The following DCTN5 variants were observed in gnomAD, a reference collection of about 807,000 sequenced individuals.
The protein encoded by DCTN5 is dynactin 4.
DCTN5 carries 14 observed loss-of-function variants against 23.5 expected under a neutral mutation model. The observed-to-expected ratio is 0.60, with a 90% CI of 0.39 to 0.93. The LOEUF (loss-of-function observed/expected upper bound fraction) is 0.93. Ranked by LOEUF, DCTN5 falls within the 40% of genes least tolerant of loss-of-function variation. The pLI, the probability that DCTN5 is intolerant of heterozygous loss-of-function variation, is 0.00. For missense variants in DCTN5, 156 were observed against 225.9 expected (o/e 0.69, Z 1.98); for synonymous variants, 67 against 79.6 (o/e 0.84, Z 0.84).
intron 2 of DCTN5, among the ~76,000 whole-genome samples, chr16:23,643,364 T>C (rs1239900399): frequency 1.3e-5 from 2 of 151,854 alleles, no homozygotes; most frequent in African/African-American, 2.4e-5. Context: ...GCTAATATTT[T>C]GTATTTTTAG....
In DCTN5 at chr16:23,671,465, T is replaced by C. The variant is rs1968006266; in HGVS notation, c.*4321T>C. On this transcript the variant is annotated 3_prime_UTR_variant, in exon 6 of 6. Transcript: ENST00000300087. ...AAGAGATGGAGAAATCACCCTTCCT[T>C]GTTTTGTATCTATGGGGTGCAAACA... is the stretch of plus-strand genomic sequence containing the variant. 1 of 152,218 alleles carries C rather than the reference T, an allele frequency of 6.6e-6. No individual in the cohort carries two copies. Among genetic ancestry groups the C allele is most frequent in the African/African-American group, 2.4e-5 (1 of 41,456 alleles). The allele number at this position is 152,218 out of a possible 1,614,324, so 9.4% of individuals were successfully genotyped here. A position where few individuals can be genotyped will look rare whatever the true frequency, so the allele number is the denominator to read the frequency against.
chr16:23,672,468 A>G lies in DCTN5; in HGVS notation c.*5324A>G, dbSNP rs745885113. On this transcript the variant is annotated 3_prime_UTR_variant, in exon 6 of 6. Coordinates refer to ENST00000300087, the MANE Select transcript of DCTN5 (RefSeq NM_032486.4). Reference sequence around the variant, plus strand: ...GCTAGCATTTGAACCCGGAGTTTTTAGTCTATTGAGTTTAACCGACAGATC... The same window carrying G: ...GCTAGCATTTGAACCCGGAGTTTTTGGTCTATTGAGTTTAACCGACAGATC... 6.6e-6 allele frequency: 1 copy of G among 152,218 alleles called. No homozygotes were observed. The highest frequency in any genetic ancestry group is 1.5e-5 in the Non-Finnish European group (1 of 68,046). 9.4% of individuals were successfully genotyped at this position (152,218 alleles called of 1,614,324 possible).
intron 3 of DCTN5, among the ~76,000 whole-genome samples, chr16:23,660,157 T>C (rs2140984259): frequency 6.6e-6 from 1 of 152,344 alleles, no homozygotes; most frequent in Non-Finnish European, 1.5e-5. Context: ...GATCAGGGAA[T>C]GCATTGCTGC....
At chr16:23,643,278 G>A (rs1395750868) in intron 2 of DCTN5, among the ~76,000 whole-genome samples, 5 of 151,306 alleles carry the variant, frequency 3.3e-5, no homozygotes, top group African/African-American at 4.9e-5. Context: ...TGCAACCTCC[G>A]TCTCCCAGGT....
intron 2 of DCTN5, among the ~76,000 whole-genome samples, chr16:23,645,117 A>C (rs1393447197): frequency 2.7e-5 from 1 of 36,668 alleles, no homozygotes; most frequent in East Asian, 8.4e-4. Flanking sequence ...ATATATATAT[A>C]TATATATATA....
chr16:23,647,015 A>G (rs534325853), intron 2 of DCTN5, among the ~76,000 whole-genome samples: 70 of 152,262 alleles, frequency 4.6e-4, no homozygotes, highest in Non-Finnish European at 8.7e-4. Flanking sequence ...TAGAAAATCA[A>G]TTGGTCATAG....
In DCTN5 at chr16:23,673,782, G is replaced by A. The variant is rs2140994005; in HGVS notation, c.*6638G>A. ...CAGGCTGTAACTGATTATTTTTGCT[G>A]TGATTCGTGCTTACTGGAGCCTCGG... On this transcript the variant is annotated 3_prime_UTR_variant, in exon 6 of 6. Coordinates refer to ENST00000300087, the MANE Select transcript of DCTN5 (RefSeq NM_032486.4). 1 of 152,332 alleles carries A rather than the reference G, an allele frequency of 6.6e-6. No individual in the cohort carries two copies. The highest frequency in any genetic ancestry group is 1.9e-4 in the East Asian group (1 of 5,186). The allele number at this position is 152,332 out of a possible 1,614,324, so 9.4% of individuals were successfully genotyped here.
chr16:23,675,664 T>G lies in DCTN5; in HGVS notation c.*8520T>G, dbSNP rs1968075233. The G allele has an allele frequency of 6.6e-6, 1 of 152,132 alleles. No homozygotes were observed. The highest frequency in any genetic ancestry group is 6.5e-5 in the Admixed American group (1 of 15,272). 9.4% of individuals were successfully genotyped at this position (152,132 alleles called of 1,614,324 possible). A position where few individuals can be genotyped will look rare whatever the true frequency, so the allele number is the denominator to read the frequency against. On this transcript the variant is annotated 3_prime_UTR_variant, in exon 6 of 6. Coordinates refer to ENST00000300087, the MANE Select transcript of DCTN5 (RefSeq NM_032486.4). ...TTTTTGTAATATTGGAGAAAATAATTAAAGCCTGGCACCTGGGGAGGCTTG... is the reference window on the plus strand; with the variant it reads ...TTTTTGTAATATTGGAGAAAATAATGAAAGCCTGGCACCTGGGGAGGCTTG...
chr16:23,662,063 A>C (rs540117863), intron 4 of DCTN5, among the ~76,000 whole-genome samples: 8 of 152,092 alleles, frequency 5.3e-5, no homozygotes, highest in Non-Finnish European at 7.4e-5. Flanking sequence ...AAAAAAAAAA[A>C]AACCCAAAAG....
Position 23,669,341 on chromosome 16 carries a change from G to C in DCTN5, c.*2197G>C, listed in dbSNP as rs1272081528. On this transcript the variant is annotated 3_prime_UTR_variant, in exon 6 of 6. Coordinates refer to ENST00000300087, the MANE Select transcript of DCTN5 (RefSeq NM_032486.4). ...CTCCAAACAGGGATCTGTCTCTTTG[G>C]CTCTCAGCTCTGCTTTCATTTGAGT... is the stretch of plus-strand genomic sequence containing the variant. The C allele has an allele frequency of 6.6e-6, 1 of 152,226 alleles. No individual in the cohort carries two copies. The highest frequency in any genetic ancestry group is 1.9e-4 in the East Asian group (1 of 5,188). 9.4% of individuals were successfully genotyped at this position (152,226 alleles called of 1,614,324 possible). A position where few individuals can be genotyped will look rare whatever the true frequency, so the allele number is the denominator to read the frequency against.
rs745963773 is a variant in DCTN5, at chr16:23,670,436, T to G, written c.*3292T>G. The G allele has an allele frequency of 1.3e-5, 2 of 152,212 alleles. No individual in the cohort carries two copies. The highest frequency in any genetic ancestry group is 2.9e-5 in the Non-Finnish European group (2 of 68,058). 9.4% of individuals were successfully genotyped at this position (152,212 alleles called of 1,614,324 possible). ...CATAGTTAACATATCCTTGGAAGTT[T>G]CTCAGCTATAAGGAAGAGGTCTTGG... On this transcript the variant is annotated 3_prime_UTR_variant, in exon 6 of 6. Transcript: ENST00000300087.
rs949817495 is a variant in DCTN5, at chr16:23,675,638, G to A, written c.*8494G>A. 1.3e-5 allele frequency: 2 copies of A among 152,208 alleles called. No individual in the cohort carries two copies. Among genetic ancestry groups the A allele is most frequent in the African/African-American group, 4.8e-5 (2 of 41,446 alleles). 9.4% of individuals were successfully genotyped at this position (152,208 alleles called of 1,614,324 possible). Reference sequence around the variant, plus strand: ...TATGATTGCTGAACAGGGCACGACTGTTTTTGTAATATTGGAGAAAATAAT... The same window carrying A: ...TATGATTGCTGAACAGGGCACGACTATTTTTGTAATATTGGAGAAAATAAT... On this transcript the variant is annotated 3_prime_UTR_variant, in exon 6 of 6. Coordinates refer to ENST00000300087, the MANE Select transcript of DCTN5 (RefSeq NM_032486.4).
chr16:23,669,237 C>G lies in DCTN5; in HGVS notation c.*2093C>G, dbSNP rs1360844156. 1.3e-5 allele frequency: 2 copies of G among 152,320 alleles called. No homozygotes were observed. The highest frequency in any genetic ancestry group is 6.5e-5 in the Admixed American group (1 of 15,270). 9.4% of individuals were successfully genotyped at this position (152,320 alleles called of 1,614,324 possible). A position where few individuals can be genotyped will look rare whatever the true frequency, so the allele number is the denominator to read the frequency against. On this transcript the variant is annotated 3_prime_UTR_variant, in exon 6 of 6. Coordinates refer to ENST00000300087, the MANE Select transcript of DCTN5 (RefSeq NM_032486.4). The stretch of plus-strand genomic sequence containing the variant: ...ACCTTGGTTGGGACTCTTTCCAGTT[C>G]ACTTGGGGCAGAGGGAATTTAATGG...
At position 23,676,055 on chromosome 16, in the gene DCTN5, AC is replaced by A. The variant is rs1357916776; in HGVS notation, c.*8913del. On this transcript the variant is annotated 3_prime_UTR_variant, in exon 6 of 6. Coordinates refer to ENST00000300087, the MANE Select transcript of DCTN5 (RefSeq NM_032486.4). ...CAAATTCTTTGTTTACAGGGGTACCACCTGTGCCCCTGGGACTGTGCTTCTG... is the reference window on the plus strand; with the variant it reads ...CAAATTCTTTGTTTACAGGGGTACCACTGTGCCCCTGGGACTGTGCTTCTG... 1 of 152,170 alleles carries A rather than the reference AC, an allele frequency of 6.6e-6. No individual in the cohort carries two copies. Among genetic ancestry groups the A allele is most frequent in the African/African-American group, 2.4e-5 (1 of 41,410 alleles). 9.4% of individuals were successfully genotyped at this position (152,170 alleles called of 1,614,324 possible).
chr16:23,665,359 T>C (rs142557004), intron 4 of DCTN5, among the ~76,000 whole-genome samples: 31 of 152,304 alleles, frequency 2.0e-4, no homozygotes, highest in Middle Eastern at 6.8e-3. Context: ...TCAACAGAGC[T>C]CATGGAAGAC....
chr16:23,650,595 G>T (rs557163424), intron 2 of DCTN5, among the ~76,000 whole-genome samples: 125 of 151,890 alleles, frequency 8.2e-4, no homozygotes, highest in African/African-American at 2.9e-3. Flanking sequence ...AAAGTGCTGG[G>T]ATTACAGGCA....
At position 23,641,729 on chromosome 16, in the gene DCTN5, T is replaced by C. The variant is rs1967269478; in HGVS notation, c.48+139T>C. 3.4e-6 allele frequency: 3 copies of C among 870,854 alleles called. No individual in the cohort carries two copies. The South Asian group carries it at 4.6e-5, about 13-fold the overall frequency. The allele number at this position is 870,854 out of a possible 1,614,324, so 53.9% of individuals were successfully genotyped here. A position where few individuals can be genotyped will look rare whatever the true frequency, so the allele number is the denominator to read the frequency against. ...TCCCGGATTATCTAGCGATGCCCCG[T>C]GTACCGTCTGGCTTTGCTGTTTACT... On this transcript the variant is annotated intron_variant, in intron 1 of 5. Transcript: ENST00000300087.
At chr16:23,648,956 C>A (rs1041821713) in intron 2 of DCTN5, among the ~76,000 whole-genome samples, 2 of 152,032 alleles carry the variant, frequency 1.3e-5, no homozygotes, top group African/African-American at 4.8e-5. Flanking sequence ...CTCCCGGGTT[C>A]AAGCAATTCT....
At chr16:23,665,824 A>G in intron 5 of DCTN5, 96 bp downstream of exon 5, 1 of 1,002,058 alleles carries the variant, frequency 1.0e-6, no homozygotes, top group Admixed American at 2.3e-5. Flanking sequence ...ATCTCTGGCA[A>G]TATGTTGATA....
Sources: allele counts gnomAD v4.1 joint callset (sites outside exome capture counted in the v4.1 genomes callset), GRCh38; gene constraint gnomAD v4.1.1; transcripts MANE v1.5; gene names NCBI Gene and HGNC (gene_info 2026-07-23, HGNC 2026-07-21).